Variants in SRPK3 observed in about 807,000 individuals in gnomAD.
SRPK3 encodes the protein SFRS protein kinase 3.
In SRPK3, 26 loss-of-function variants were observed where a neutral mutation model predicts 45.3. That is an observed-to-expected ratio of 0.57 (90% confidence interval 0.42 to 0.80). The LOEUF is 0.80. Among genes scored for constraint, SRPK3 ranks in the 30% least tolerant of loss-of-function variants. The probability of loss-of-function intolerance (pLI) is 0.00; values close to 1 mark genes in which losing one functional copy is unlikely to be tolerated. For synonymous variants in SRPK3, 254 were observed against 226.6 expected, an observed-to-expected ratio of 1.12 and a Z score of -1.09; for missense variants, 536 against 514.5, an observed-to-expected ratio of 1.04 and a Z score of -0.40.
At chrX:153,783,424 A>C (rs1557067703) in intron 8 of SRPK3, among the ~76,000 whole-genome samples, 173 bp downstream of exon 8, 2 of 112,215 alleles carry the variant, frequency 1.8e-5, no homozygotes, top group African/African-American at 3.2e-5. Flanking sequence ...CAAGTGCCCC[A>C]AACTGCTCTT....
intron 3 of SRPK3, 22 bp downstream of exon 3, chrX:153,781,635 G>C (rs782695959): frequency 6.6e-6 from 8 of 1,204,713 alleles, no homozygotes; most frequent in Middle Eastern, 2.3e-4. Context: ...CTTCGCCTCC[G>C]GGGCCCAGCA....
chrX:153,784,510 G>A (rs1292910324), intron 11 of SRPK3, 116 bp downstream of exon 11: 3 of 883,667 alleles, frequency 3.4e-6, no homozygotes, highest in East Asian at 6.8e-5. Flanking sequence ...TCGGCTGGGT[G>A]GGCACTGGTC....
At chrX:153,782,663 C>G in intron 5 of SRPK3, 109 bp from the exon 6 acceptor site, 1 of 740,152 alleles carries the variant, frequency 1.4e-6, no homozygotes, top group Non-Finnish European at 1.9e-6. Flanking sequence ...AGGGGAGGCC[C>G]TGCCTCCCCA....
intron 4 of SRPK3, 122 bp downstream of exon 4, chrX:153,781,952 G>A: frequency 1.1e-6 from 1 of 946,913 alleles, no homozygotes. Context: ...GCAGCCTCCA[G>A]CTGGCTGTGC....
In SRPK3 at chrX:153,783,067, G is replaced by A. The variant is rs34497419; in HGVS notation, c.697G>A (p.Glu233Lys). The change falls in exon 7 of 15, where the codon GAG (glutamate) becomes AAG (lysine). Residue 233 changes from glutamate to lysine, a missense_variant. By Grantham distance (56) the Glu-to-Lys change is moderately conservative. Transcript: ENST00000370101. ...GDAYIRRLAA[E>K]ATEWQQAGAP... ...CGCTTACATCAGGCGCCTGGCTGCC[G>A]AGGCCACGGAGTGGCAACAGGCAGG... 42 of 1,168,431 alleles carry A rather than the reference G, an allele frequency of 3.6e-5. No homozygotes were observed. Among genetic ancestry groups the A allele is most frequent in the Non-Finnish European group, 4.6e-5 (40 of 875,292 alleles).
rs1557066772 is a variant in SRPK3, at chrX:153,781,321, G to A, written c.165G>A (p.Gln55=). 3 of 1,203,661 alleles carry A rather than the reference G, an allele frequency of 2.5e-6. No homozygotes were observed. The highest frequency in any genetic ancestry group is 2.2e-6 in the Non-Finnish European group (2 of 891,345). Residue 55 remains glutamine, a synonymous_variant, in exon 2 of 15, where the codon CAG becomes CAA. Transcript: ENST00000370101. The stretch of plus-strand genomic sequence containing the variant: ...TTCTGGGCTCCGACGACGAGGAACA[G>A]GAAGACCCCAAAGACTACTGCAAGG... ...QGLLGSDDEE[Q]EDPKDYCKGG...
intron 8 of SRPK3, among the ~76,000 whole-genome samples, 164 bp from the exon 9 acceptor site, chrX:153,783,585 AGAG>A (rs1569542477): frequency 9.0e-6 from 1 of 111,654 alleles, no homozygotes; most frequent in Non-Finnish European, 1.9e-5. Flanking sequence ...GGAGGCAGGG[AGAG>A]TAGTGAGTAG....
At chrX:153,785,052 T>C (rs782803221) in intron 13 of SRPK3, 29 bp from the exon 14 acceptor site, 2 of 1,211,289 alleles carry the variant, frequency 1.7e-6, no homozygotes, top group Non-Finnish European at 2.2e-6. Flanking sequence ...CCGGCCTGCC[T>C]GCCCCCAACC....
chrX:153,782,652 C>G, intron 5 of SRPK3, 120 bp from the exon 6 acceptor site: 1 of 615,723 alleles, frequency 1.6e-6, no homozygotes, highest in Non-Finnish European at 2.5e-6. Flanking sequence ...CAGGACTGCC[C>G]AGGGGAGGCC....
intron 5 of SRPK3, 24 bp from the exon 6 acceptor site, chrX:153,782,748 G>GGCC: frequency 8.5e-7 from 1 of 1,182,790 alleles, no homozygotes; most frequent in Non-Finnish European, 1.1e-6. Context: ...GGTGTCCACT[G>GGCC]GCCGCCCTTC....
In SRPK3 at chrX:153,784,037, G is replaced by A. The variant is rs2148440909; in HGVS notation, c.971G>A (p.Gly324Asp). ...TCCTCTTCAGGCTGTCACCCCGGGG[G>A]CGCCAGAGCAGGTCCCTCCCCAGCC... ...STSSSGCHPG[G>D]ARAGPSPASS... Residue 324 changes from glycine (G) to aspartate (D), a missense_variant, in exon 10 of 15, where the codon GGC becomes GAC. Coordinates refer to ENST00000370101, the MANE Select transcript of SRPK3 (RefSeq NM_014370.4). 2 of 1,208,236 alleles carry A rather than the reference G, an allele frequency of 1.7e-6. No individual in the cohort carries two copies. The highest frequency in any genetic ancestry group is 1.7e-5 in the African/African-American group (1 of 57,840).
chrX:153,781,527 C>T lies in SRPK3; in HGVS notation c.213C>T (p.Ile71=), dbSNP rs782063798. ...CAGGCGGCTACCACCCTGTGAAGAT[C>T]GGCGACGTGTTCAATGGGCGGTACC... The part of the protein sequence containing the change: ...YCKGGYHPVK[I]GDVFNGRYHV... Residue 71 remains isoleucine, a synonymous_variant, in exon 3 of 15, where the codon ATC becomes ATT. Transcript: ENST00000370101. The T allele has an allele frequency of 1.9e-5, 23 of 1,209,010 alleles. No individual in the cohort carries two copies. Among genetic ancestry groups the T allele is most frequent in the South Asian group, 8.8e-5 (5 of 56,803 alleles).
intron 5 of SRPK3, 112 bp downstream of exon 5, chrX:153,782,320 CA>C: frequency 1.5e-6 from 1 of 648,930 alleles, no homozygotes; most frequent in Non-Finnish European, 2.4e-6. Context: ...GCATCCCTCC[CA>C]GTAACGGGAG....
intron 4 of SRPK3, 71 bp from the exon 5 acceptor site, chrX:153,782,050 G>A (rs1053831901): frequency 8.8e-6 from 9 of 1,020,935 alleles, no homozygotes; most frequent in Non-Finnish European, 1.2e-5. Context: ...GCAGGAGAAG[G>A]GTACACTGAA....
chrX:153,781,993 G>A (rs2092055154), intron 4 of SRPK3, 128 bp from the exon 5 acceptor site: 1 of 853,529 alleles, frequency 1.2e-6, no homozygotes, highest in Non-Finnish European at 1.7e-6. Flanking sequence ...GAACAGGCGA[G>A]GGACAGGAGG....
At position 153,783,066 on chromosome X, in the gene SRPK3, C is replaced by CT; in HGVS notation, c.696_697insT (p.Glu233Ter). ...ACGCTTACATCAGGCGCCTGGCTGCCGAGGCCACGGAGTGGCAACAGGCAG... is the reference window on the plus strand; with the variant it reads ...ACGCTTACATCAGGCGCCTGGCTGCCTGAGGCCACGGAGTGGCAACAGGCAG... On this transcript the variant is annotated frameshift_variant, in exon 7 of 15. Coordinates refer to ENST00000370101, the MANE Select transcript of SRPK3 (RefSeq NM_014370.4). LOFTEE classifies it high-confidence loss of function. The CT allele has an allele frequency of 8.5e-7, 1 of 1,172,998 alleles. No homozygotes were observed.
chrX:153,785,328 G>A lies in SRPK3; in HGVS notation c.1520-8G>A, dbSNP rs370521623. The stretch of plus-strand genomic sequence containing the variant: ...GACAGAGCCTGACGCCCGCTGGCCT[G>A]CCCGCAGGAGAGCTGCGGCACATCC... On this transcript the variant is annotated splice_polypyrimidine_tract_variant and splice_region_variant and intron_variant, in intron 14 of 14. Transcript: ENST00000370101. The A allele has an allele frequency of 4.8e-5, 58 of 1,201,644 alleles. No homozygotes were observed. The South Asian group carries it at 8.1e-4, about 17-fold the overall frequency.
At position 153,782,185 on chromosome X, in the gene SRPK3, G is replaced by A. The variant is rs782111244; in HGVS notation, c.452G>A (p.Arg151Lys). ...ATTGTCCAGCTCATTGATGACTTCA[G>A]GATCTCAGGAGTCAATGGAGTCCGT... ...ETIVQLIDDF[R>K]ISGVNGVHVC... The change falls in exon 5 of 15, where the codon AGG (arginine) becomes AAG (lysine). Residue 151 changes from arginine to lysine, a missense_variant. Physicochemically the swap from Arg to Lys is conservative, Grantham distance 26 (BLOSUM62 2). Coordinates refer to ENST00000370101, the MANE Select transcript of SRPK3 (RefSeq NM_014370.4). 2.3e-5 allele frequency: 28 copies of A among 1,208,562 alleles called. No individual in the cohort carries two copies. The South Asian group carries it at 4.1e-4, about 17-fold the overall frequency.
Position 153,783,794 on chromosome X carries a change from C to T in SRPK3, c.817C>T (p.Arg273Cys), listed in dbSNP as rs139480291. ...CAAAAACAAGAGGAAGAAGATGAGG[C>T]GCAAACGGAAACAGCAGAAGCGGCT... Reference protein sequence around the residue: ...LSKNKRKKMRRKRKQQKRLLE... With the variant: ...LSKNKRKKMRCKRKQQKRLLE... The change falls in exon 9 of 15, where the codon CGC becomes TGC. Residue 273 changes from arginine to cysteine, a missense_variant. By Grantham distance (180) the Arg-to-Cys change is radical. Coordinates refer to ENST00000370101, the MANE Select transcript of SRPK3 (RefSeq NM_014370.4). The T allele has an allele frequency of 1.1e-5, 13 of 1,208,861 alleles. No individual in the cohort carries two copies. The highest frequency in any genetic ancestry group is 1.7e-5 in the African/African-American group (1 of 57,555).
Sources: allele counts gnomAD v4.1 joint callset (sites outside exome capture counted in the v4.1 genomes callset), GRCh38; gene constraint gnomAD v4.1.1; transcripts MANE v1.5; gene names NCBI Gene and HGNC (gene_info 2026-07-23, HGNC 2026-07-21).